Variants in CTNNA3 observed in about 807,000 individuals in gnomAD.
CTNNA3 encodes the protein catenin alpha-3.
In CTNNA3, 76 loss-of-function variants were observed where a neutral mutation model predicts 95.7. The observed-to-expected ratio is 0.79, with a 90% CI of 0.66 to 0.96. The LOEUF (loss-of-function observed/expected upper bound fraction) is 0.96. Ranked by LOEUF, CTNNA3 falls within the 40% of genes least tolerant of loss-of-function variation. CTNNA3 has a pLI of 0.00. For synonymous variants in CTNNA3, 431 were observed against 374.4 expected (o/e 1.15, Z -1.74); for missense variants, 1,191 against 1,089.8 (o/e 1.09, Z -1.31).
chr10:66,906,930 G>A (rs1243116414), intron 7 of CTNNA3, among the ~76,000 whole-genome samples: 1 of 151,996 alleles, frequency 6.6e-6, no homozygotes, highest in African/African-American at 2.4e-5. Flanking sequence ...ATACAGGGAA[G>A]TCCATTAATT....
intron 16 of CTNNA3, among the ~76,000 whole-genome samples, chr10:65,988,018 CA>C (rs1396910520): frequency 6.6e-6 from 1 of 152,008 alleles, no homozygotes; most frequent in Non-Finnish European, 1.5e-5. Context: ...TAATGGTTAT[CA>C]GGGGCAGGGA....
intron 10 of CTNNA3, among the ~76,000 whole-genome samples, chr10:66,608,710 T>C (rs1844220468): frequency 6.6e-6 from 1 of 152,024 alleles, no homozygotes; most frequent in Non-Finnish European, 1.5e-5. Context: ...GTTCAATAAA[T>C]GGTGCTGAGA....
At chr10:67,137,835 A>G (rs1470474971) in intron 7 of CTNNA3, among the ~76,000 whole-genome samples, 3 of 152,038 alleles carry the variant, frequency 2.0e-5, no homozygotes, top group African/African-American at 7.2e-5. Flanking sequence ...ATGTCTATTA[A>G]AAAGGAGGGC....
chr10:66,272,146 C>T (rs1346971428), intron 13 of CTNNA3, among the ~76,000 whole-genome samples: 1 of 152,144 alleles, frequency 6.6e-6, no homozygotes, highest in African/African-American at 2.4e-5. Flanking sequence ...GGTTACTTTG[C>T]TATTGGCCTT....
intron 1 of CTNNA3, among the ~76,000 whole-genome samples, chr10:67,706,937 G>T (rs1770012173): frequency 6.6e-6 from 1 of 152,062 alleles, no homozygotes; most frequent in African/African-American, 2.4e-5. Context: ...CTTGATTTTT[G>T]TCTCTCAAAC....
At chr10:67,581,437 G>C (rs547793837) in intron 3 of CTNNA3, among the ~76,000 whole-genome samples, 1 of 152,174 alleles carries the variant, frequency 6.6e-6, no homozygotes, top group African/African-American at 2.4e-5. Context: ...TAAGCTTTTT[G>C]ATGTGCTGCT....
At chr10:66,311,737 C>T (rs981056514) in intron 12 of CTNNA3, among the ~76,000 whole-genome samples, 2 of 152,100 alleles carry the variant, frequency 1.3e-5, no homozygotes, top group African/African-American at 4.8e-5. Flanking sequence ...ACATGGGGCT[C>T]CTATATGCAT....
chr10:66,602,478 C>G (rs1049184736), intron 10 of CTNNA3, among the ~76,000 whole-genome samples: 13 of 151,696 alleles, frequency 8.6e-5, no homozygotes, highest in Admixed American at 7.9e-4. Context: ...TCAGTGAAAG[C>G]TCATACTAAT....
At chr10:66,649,921 T>C (rs983024183) in intron 9 of CTNNA3, among the ~76,000 whole-genome samples, 3 of 152,142 alleles carry the variant, frequency 2.0e-5, no homozygotes, top group African/African-American at 7.2e-5. Flanking sequence ...TACCCCAGGT[T>C]TCAGACAAGC....
chr10:67,094,082 A>G (rs764752011), intron 7 of CTNNA3, among the ~76,000 whole-genome samples: 25 of 151,982 alleles, frequency 1.6e-4, no homozygotes, highest in Admixed American at 6.6e-5. Context: ...TAATCAACAT[A>G]TGATGTTGAT....
intron 14 of CTNNA3, among the ~76,000 whole-genome samples, chr10:66,094,925 T>C (rs2081337793): frequency 6.6e-6 from 1 of 152,170 alleles, no homozygotes; most frequent in Non-Finnish European, 1.5e-5. Flanking sequence ...ATGGGAAGAC[T>C]CAAAAACTAT....
intron 1 of CTNNA3, among the ~76,000 whole-genome samples, chr10:67,756,334 G>A (rs574884222): frequency 1.7e-4 from 26 of 152,098 alleles, no homozygotes; most frequent in African/African-American, 6.3e-4. Flanking sequence ...TAATTCAAAT[G>A]TTTCTAGCAT....
intron 5 of CTNNA3, among the ~76,000 whole-genome samples, chr10:67,484,993 T>C (rs1487207165): frequency 6.6e-6 from 1 of 152,086 alleles, no homozygotes; most frequent in Admixed American, 6.6e-5. Context: ...AAATAAATCA[T>C]TCTACCAAAA....
chr10:66,064,622 C>T (rs2080276211), intron 15 of CTNNA3, among the ~76,000 whole-genome samples: 1 of 152,116 alleles, frequency 6.6e-6, no homozygotes, highest in Admixed American at 6.6e-5. Flanking sequence ...TCTGGTTCCC[C>T]TTTTAAAGGT....
intron 15 of CTNNA3, among the ~76,000 whole-genome samples, chr10:66,018,616 A>G (rs533737713): frequency 1.3e-5 from 2 of 152,220 alleles, no homozygotes; most frequent in East Asian, 3.9e-4. Flanking sequence ...GAAATGTCAC[A>G]TTACATCTAA....
At chr10:66,688,903 G>A (rs1161080304) in intron 9 of CTNNA3, among the ~76,000 whole-genome samples, 2 of 151,560 alleles carry the variant, frequency 1.3e-5, no homozygotes, top group African/African-American at 2.4e-5. Flanking sequence ...GAACCTGGGA[G>A]GTGGAGCTTG....
chr10:66,316,608 T>C (rs1164721254), intron 12 of CTNNA3, among the ~76,000 whole-genome samples: 4 of 151,918 alleles, frequency 2.6e-5, no homozygotes, highest in African/African-American at 9.7e-5. Context: ...AATGTGCACA[T>C]CTTGGGGATT....
chr10:67,230,918 G>T (rs930768972), intron 5 of CTNNA3, among the ~76,000 whole-genome samples: 2 of 152,306 alleles, frequency 1.3e-5, no homozygotes, highest in East Asian at 1.9e-4. Flanking sequence ...GTGACAGACC[G>T]CACCTGGAAG....
intron 9 of CTNNA3, among the ~76,000 whole-genome samples, chr10:66,723,448 C>T (rs1378167667): frequency 6.6e-6 from 1 of 152,172 alleles, no homozygotes; most frequent in Non-Finnish European, 1.5e-5. Context: ...AGGCCTAAAT[C>T]ACTTGGCCTT....
Sources: gnomAD v4.1 joint callset for allele counts (sites outside exome capture counted in the v4.1 genomes callset) on GRCh38, gnomAD v4.1.1 for gene constraint, MANE v1.5 for transcripts, NCBI Gene and HGNC (gene_info 2026-07-23, HGNC 2026-07-21) for gene names.